Variants in KDM5A observed in about 807,000 individuals in gnomAD.
The protein encoded by KDM5A is lysine-specific demethylase 5A.
Under a neutral mutation model 193.5 loss-of-function variants are expected in KDM5A, and 42 were observed. The ratio of observed to expected loss-of-function variants is 0.22; its 90% CI spans 0.17 to 0.28. The LOEUF is 0.28. Among genes scored for constraint, KDM5A ranks in the 10% least tolerant of loss-of-function variants. KDM5A has a pLI of 1.00. For synonymous variants in KDM5A, 796 were observed against 718.1 expected, an observed-to-expected ratio of 1.11 and a Z score of -1.73; for missense variants, 1,692 against 2,055.1, an observed-to-expected ratio of 0.82 and a Z score of 3.42.
intron 3 of KDM5A, among the ~76,000 whole-genome samples, chr12:368,056 G>A (rs947327010): frequency 4.6e-5 from 7 of 152,074 alleles, no homozygotes; most frequent in Admixed American, 2.0e-4. Flanking sequence ...ATGAATAAAC[G>A]AAATGTAGTA....
At chr12:370,787 C>G (rs1280974090) in intron 3 of KDM5A, among the ~76,000 whole-genome samples, 1 of 152,154 alleles carries the variant, frequency 6.6e-6, no homozygotes, top group African/African-American at 2.4e-5. Flanking sequence ...TACGACAGGC[C>G]CCGGTGTGTG....
chr12:331,132 G>A (rs909262551), intron 13 of KDM5A, among the ~76,000 whole-genome samples: 1 of 151,826 alleles, frequency 6.6e-6, no homozygotes, highest in Non-Finnish European at 1.5e-5. Context: ...TCACCTAGTT[G>A]TCTATCAGAA....
At chr12:345,315 T>A (rs1224411480) in intron 10 of KDM5A, among the ~76,000 whole-genome samples, 1 of 152,152 alleles carries the variant, frequency 6.6e-6, no homozygotes, top group Non-Finnish European at 1.5e-5. Flanking sequence ...CACACAATGA[T>A]AATGGGAAAC....
intron 10 of KDM5A, among the ~76,000 whole-genome samples, chr12:344,222 A>G (rs925296066): frequency 3.3e-5 from 5 of 152,254 alleles, no homozygotes; most frequent in Non-Finnish European, 7.3e-5. Context: ...GAGAAAAAAG[A>G]GTAAGAAGAA....
intron 3 of KDM5A, among the ~76,000 whole-genome samples, chr12:381,351 A>T (rs1944570592): frequency 6.6e-6 from 1 of 152,038 alleles, no homozygotes; most frequent in Non-Finnish European, 1.5e-5. Flanking sequence ...ACCTCAGGTG[A>T]TCCATCCGCC....
intron 6 of KDM5A, 81 bp from the exon 7 acceptor site, chr12:355,330 T>G: frequency 1.2e-6 from 1 of 801,114 alleles, no homozygotes; most frequent in East Asian, 2.6e-5. Flanking sequence ...TAAAATTATT[T>G]AAATTAGTTA....
chr12:350,038 G>A (rs1231722427), intron 10 of KDM5A, among the ~76,000 whole-genome samples: 2 of 152,000 alleles, frequency 1.3e-5, no homozygotes, highest in African/African-American at 4.8e-5. Flanking sequence ...TGAGGCAGGG[G>A]AATCGCTTGA....
chr12:330,083 G>GTA (rs773883406), intron 13 of KDM5A, among the ~76,000 whole-genome samples: 1,580 of 127,198 alleles, frequency 0.012, 23 homozygotes, highest in African/African-American at 0.044. Flanking sequence ...GTGTGTGTGT[G>GTA]TGTATATATA....
intron 5 of KDM5A, among the ~76,000 whole-genome samples, chr12:361,585 C>T (rs1288609497): frequency 6.6e-6 from 1 of 152,112 alleles, no homozygotes; most frequent in African/African-American, 2.4e-5. Context: ...AATTTCATCA[C>T]AAGCTGGTGA....
intron 27 of KDM5A, among the ~76,000 whole-genome samples, chr12:291,748 G>GT (rs1451715068): frequency 2.0e-5 from 3 of 152,052 alleles, no homozygotes; most frequent in South Asian, 2.1e-4. Flanking sequence ...GATAAGAGCC[G>GT]TAACAGGTGC....
chr12:289,371 T>A lies in KDM5A; in HGVS notation c.4866+3388A>T, dbSNP rs187675790. Among the ~76,000 whole-genome samples, 580 of 152,280 alleles carry A rather than the reference T, an allele frequency of 3.8e-3. 4 individuals carry two copies. Among genetic ancestry groups the A allele is most frequent in the Non-Finnish European group, 6.1e-3 (416 of 68,030 alleles). ...ATTCTGAACTTCAAAATTAATTTTT[T>A]AAAAAGTTTTGTTAATATTAATTTT... On this transcript the variant is annotated intron_variant, in intron 27 of 27. Coordinates refer to ENST00000399788, the MANE Select transcript of KDM5A (RefSeq NM_001042603.3).
chr12:323,611 C>A lies in KDM5A; in HGVS notation c.2139G>T (p.Lys713Asn). 1.9e-6 allele frequency: 3 copies of A among 1,614,064 alleles called. No homozygotes were observed. Among genetic ancestry groups the A allele is most frequent in the Non-Finnish European group, 1.7e-6 (2 of 1,179,928 alleles). ...ATACTTTTGGATACCTAAGACATTT[C>A]TTCTGCATGGGGCAGGGGCACAGAT... ...PTDLCPCPMQKKCLRYRYPLE... is the reference protein window; with the variant it reads ...PTDLCPCPMQNKCLRYRYPLE... The change falls in exon 15 of 28, where the codon AAG becomes AAT. Residue 713 changes from lysine (K) to asparagine (N), a missense_variant. Lys to Asn is a moderately conservative substitution (Grantham distance 94). Around this residue, in one of 11 missense-constraint regions of KDM5A, gnomAD observed 88 missense variants for 124.6 expected, o/e 0.71. Transcript: ENST00000399788.
At position 284,628 on chromosome 12, in the gene KDM5A, ATCT is replaced by A. The variant is rs773420021; in HGVS notation, c.*825_*827del. 5.6e-5 allele frequency: 13 copies of A among 230,870 alleles called. No homozygotes were observed. The highest frequency in any genetic ancestry group is 3.6e-4 in the East Asian group (6 of 16,452). 14.3% of individuals were successfully genotyped at this position (230,870 alleles called of 1,614,324 possible). On this transcript the variant is annotated 3_prime_UTR_variant, in exon 28 of 28. Transcript: ENST00000399788. ...GATAGTACGACTGGTCATCATCGTC[ATCT>A]TCTTCTCTTTTTTTTTTTGGCAGAA... is the stretch of plus-strand genomic sequence containing the variant.
At chr12:388,633 G>A (rs753825025) in intron 1 of KDM5A, 12 of 494,080 alleles carry the variant, frequency 2.4e-5, no homozygotes, top group Non-Finnish European at 4.4e-5. Context: ...TCATAATACT[G>A]TACTTTAAAC....
chr12:324,016 A>G (rs1229376276), intron 14 of KDM5A, among the ~76,000 whole-genome samples: 1 of 152,206 alleles, frequency 6.6e-6, no homozygotes, highest in East Asian at 1.9e-4. Context: ...AAAACTATAA[A>G]GAAACATGGG....
At chr12:320,444 C>A (rs955554543) in intron 18 of KDM5A, among the ~76,000 whole-genome samples, 4 of 151,984 alleles carry the variant, frequency 2.6e-5, no homozygotes, top group African/African-American at 7.2e-5. Context: ...TGCAGTAAGC[C>A]GAGATCTCGC....
chr12:367,563 G>A (rs374317887), intron 3 of KDM5A, among the ~76,000 whole-genome samples: 6 of 152,190 alleles, frequency 3.9e-5, no homozygotes, highest in Middle Eastern at 3.4e-3. Context: ...TTAGCCAGAC[G>A]TGGTGGTGCA....
At chr12:331,076 T>TG (rs1943860257) in intron 13 of KDM5A, among the ~76,000 whole-genome samples, 3 of 148,008 alleles carry the variant, frequency 2.0e-5, no homozygotes, top group African/African-American at 7.3e-5. Context: ...TCTTTTAAAA[T>TG]TAAAAAAAGG....
rs2137422833 is a variant in KDM5A, at chr12:331,844, G to A, written c.1748C>T (p.Ala583Val). Residue 583 changes from alanine to valine, a missense_variant, in exon 13 of 28, where the codon GCT (alanine) becomes GTT (valine). Transcript: ENST00000399788. ...GFNQGYNFAEAVNFCTADWLP... is the reference protein window; with the variant it reads ...GFNQGYNFAEVVNFCTADWLP... ...CCAGTCAGCAGTACAGAAGTTCACA[G>A]CTTCAGCAAAGTTGTAGCCCTGGTT... The A allele has an allele frequency of 6.2e-7, 1 of 1,614,062 alleles. No individual in the cohort carries two copies. Among genetic ancestry groups the A allele is most frequent in the Non-Finnish European group, 8.5e-7 (1 of 1,179,926 alleles).
Sources: allele counts gnomAD v4.1 joint callset (sites outside exome capture counted in the v4.1 genomes callset), GRCh38; gene constraint gnomAD v4.1.1; regional missense constraint gnomAD v4.1.1; transcripts MANE v1.5; gene names NCBI Gene and HGNC (gene_info 2026-07-23, HGNC 2026-07-21).